The following DHX57 variants were observed in gnomAD, a reference collection of about 807,000 sequenced individuals.
The protein encoded by DHX57 is DExH-box helicase 57, also known as putative ATP-dependent RNA helicase DHX57.
A neutral mutation model predicts 156.2 loss-of-function variants in DHX57; 105 were observed. That is an observed-to-expected ratio of 0.67 (90% CI 0.57 to 0.79). DHX57 has a LOEUF of 0.79. Among genes scored for constraint, DHX57 ranks in the 30% least tolerant of loss-of-function variants. DHX57 has a pLI of 0.00. For synonymous variants in DHX57, 704 were observed against 595.6 expected, an observed-to-expected ratio of 1.18 and a Z score of -2.65; for missense variants, 1,847 against 1,661.9, an observed-to-expected ratio of 1.11 and a Z score of -1.94.
intron 2 of DHX57, among the ~76,000 whole-genome samples, chr2:38,864,915 G>A (rs748479128): frequency 3.9e-5 from 6 of 152,054 alleles, no homozygotes; most frequent in Non-Finnish European, 8.8e-5. Context: ...AAATGCAGTG[G>A]ACAATTCTTA....
At chr2:38,798,678 G>T (rs1015452923) in intron 23 of DHX57, among the ~76,000 whole-genome samples, 6 of 152,236 alleles carry the variant, frequency 3.9e-5, no homozygotes, top group Non-Finnish European at 1.5e-5. Context: ...AGGCGCAGTG[G>T]CTCACGCCTG....
In DHX57 at chr2:38,848,304, T is replaced by A. The variant is rs776952163; in HGVS notation, c.2129A>T (p.Asp710Val). ...AATAACGGGGCAGGAATTAAAATAGTCTGAAAAAAGCTCAGCGTTTAGAGT... is the reference window on the plus strand; with the variant it reads ...AATAACGGGGCAGGAATTAAAATAGACTGAAAAAAGCTCAGCGTTTAGAGT... ...SATLNAELFS[D>V]YFNSCPVITI... The change falls in exon 10 of 24, where the codon GAC (aspartate) becomes GTC (valine). Residue 710 changes from aspartate to valine, a missense_variant. Physicochemically the swap from Asp to Val is radical, Grantham distance 152. Transcript: ENST00000457308. The A allele has an allele frequency of 2.5e-6, 4 of 1,609,784 alleles. No individual in the cohort carries two copies. Among genetic ancestry groups the A allele is most frequent in the Non-Finnish European group, 3.4e-6 (4 of 1,178,284 alleles).
At chr2:38,827,715 A>G (rs927556938) in intron 14 of DHX57, among the ~76,000 whole-genome samples, 9 of 151,640 alleles carry the variant, frequency 5.9e-5, no homozygotes, top group African/African-American at 2.2e-4. Context: ...TGCTCCTGGA[A>G]TAGGAACTAT....
intron 1 of DHX57, among the ~76,000 whole-genome samples, chr2:38,871,771 G>C (rs1348042581): frequency 6.6e-6 from 1 of 151,170 alleles, no homozygotes; most frequent in African/African-American, 2.4e-5. Context: ...CAGTAGCGTG[G>C]TCTCAGCTTA....
In DHX57 at chr2:38,825,991, T is replaced by C; in HGVS notation, c.2870A>G (p.Asn957Ser). ...TGCTCGGCCTTTCCTTTGTAGAGCA[T>C]TAGCTTGAGATACAAAGGTGTCCTC... ...SLEDTFVSQA[N>S]ALQRKGRAGR... Residue 957 changes from asparagine (N) to serine (S), a missense_variant, in exon 16 of 24, where the codon AAT (asparagine) becomes AGT (serine). Physicochemically the swap from Asn to Ser is conservative, Grantham distance 46. Coordinates refer to ENST00000457308, the MANE Select transcript of DHX57 (RefSeq NM_198963.3). The C allele has an allele frequency of 6.2e-7, 1 of 1,614,238 alleles. No homozygotes were observed. Among genetic ancestry groups the C allele is most frequent in the Non-Finnish European group, 8.5e-7 (1 of 1,180,036 alleles).
chr2:38,833,344 T>A (rs748677824), intron 13 of DHX57, among the ~76,000 whole-genome samples: 4 of 152,014 alleles, frequency 2.6e-5, no homozygotes, highest in Non-Finnish European at 4.4e-5. Context: ...TGTTTCTCCA[T>A]GTTGGCCAGG....
chr2:38,870,569 A>G (rs1055914252), intron 1 of DHX57, among the ~76,000 whole-genome samples: 1 of 152,216 alleles, frequency 6.6e-6, no homozygotes, highest in Non-Finnish European at 1.5e-5. Flanking sequence ...AATGACATAT[A>G]TATTTAAAAT....
chr2:38,807,539 A>G (rs929207114), intron 21 of DHX57, among the ~76,000 whole-genome samples: 2 of 151,052 alleles, frequency 1.3e-5, no homozygotes, highest in Non-Finnish European at 2.9e-5. Flanking sequence ...TTGTATTTTT[A>G]GTAGAGACGG....
At chr2:38,874,169 G>A (rs1270722387) in intron 1 of DHX57, among the ~76,000 whole-genome samples, 2 of 151,736 alleles carry the variant, frequency 1.3e-5, no homozygotes, top group Admixed American at 6.6e-5. Context: ...ATAGCTTACT[G>A]CAGCCTCGAT....
At chr2:38,811,126 C>G in intron 21 of DHX57, 1 of 542,484 alleles carries the variant, frequency 1.8e-6, no homozygotes, top group Admixed American at 2.4e-5. Flanking sequence ...GCATGAGGTT[C>G]TCGTCCATGT....
intron 1 of DHX57, among the ~76,000 whole-genome samples, chr2:38,873,583 G>A (rs566612209): frequency 1.9e-4 from 29 of 152,314 alleles, no homozygotes; most frequent in Non-Finnish European, 4.0e-4. Context: ...CATATGGTAG[G>A]AATTCAGTAT....
intron 22 of DHX57, chr2:38,803,123 TAA>T (rs879474946): frequency 1.1e-3 from 514 of 459,656 alleles, no homozygotes; most frequent in East Asian, 1.5e-3. Context: ...CACTTGTGTT[TAA>T]AAAAAAAAAA....
rs371909545 is a variant in DHX57 at position 38,855,269 on chromosome 2, A to G, written c.1710-17T>C. On this transcript the variant is annotated splice_polypyrimidine_tract_variant and intron_variant, in intron 7 of 23. Coordinates refer to ENST00000457308, the MANE Select transcript of DHX57 (RefSeq NM_198963.3). The stretch of plus-strand genomic sequence containing the variant: ...TTCCCACATCTGTACATTAAAACAA[A>G]TAAGTCCTAAAATGAAGTTTTCAAG... The G allele has an allele frequency of 2.0e-5, 32 of 1,613,758 alleles. No homozygotes were observed. The highest frequency in any genetic ancestry group is 3.3e-4 in the Middle Eastern group (2 of 6,084).
chr2:38,819,656 A>C (rs973312291), intron 17 of DHX57, among the ~76,000 whole-genome samples: 1 of 152,194 alleles, frequency 6.6e-6, no homozygotes, highest in East Asian at 1.9e-4. Flanking sequence ...GCCCACCCAA[A>C]ATAAGCTCTT....
intron 16 of DHX57, among the ~76,000 whole-genome samples, chr2:38,824,497 A>G (rs1248144617): frequency 6.6e-6 from 1 of 152,180 alleles, no homozygotes; most frequent in Non-Finnish European, 1.5e-5. Context: ...AAGAGGGTAG[A>G]TCTCATATTA....
intron 2 of DHX57, among the ~76,000 whole-genome samples, chr2:38,866,061 G>A (rs1315557127): frequency 1.4e-5 from 2 of 139,720 alleles, no homozygotes; most frequent in African/African-American, 2.5e-5. Context: ...CATGATCCTG[G>A]TGTGGGGCTA....
In DHX57 at chr2:38,798,241, G is replaced by C; in HGVS notation, c.*58C>G. 6.4e-7 allele frequency: 1 copy of C among 1,567,326 alleles called. No homozygotes were observed. The highest frequency in any genetic ancestry group is 1.2e-5 in the South Asian group (1 of 82,320). On this transcript the variant is annotated 3_prime_UTR_variant, in exon 24 of 24. Coordinates refer to ENST00000457308, the MANE Select transcript of DHX57 (RefSeq NM_198963.3). ...TTTAGTTCGAGGTAGAGGTTCTGCT[G>C]TTATTTCCCAGGTGAGCTAGAAGCA...
At chr2:38,843,407 C>T (rs1460846104) in intron 11 of DHX57, among the ~76,000 whole-genome samples, 197 bp from the exon 12 acceptor site, 3 of 152,274 alleles carry the variant, frequency 2.0e-5, no homozygotes, top group South Asian at 2.1e-4. Context: ...AGGTCTGTCT[C>T]GGAGACCAGC....
At chr2:38,821,953 T>A (rs1670837723) in intron 17 of DHX57, among the ~76,000 whole-genome samples, 1 of 152,096 alleles carries the variant, frequency 6.6e-6, no homozygotes, top group African/African-American at 2.4e-5. Flanking sequence ...CAAAATGAAA[T>A]AGACAATCTG....
Sources: allele counts gnomAD v4.1 joint callset (sites outside exome capture counted in the v4.1 genomes callset), GRCh38; gene constraint gnomAD v4.1.1; transcripts MANE v1.5; gene names NCBI Gene and HGNC (gene_info 2026-07-23, HGNC 2026-07-21).